The following INPP5F variants were observed in gnomAD, a reference collection of about 807,000 sequenced individuals.
The protein encoded by INPP5F is phosphatidylinositide 4-phosphatase SAC2.
A neutral mutation model predicts 137.2 loss-of-function variants in INPP5F; 97 were observed. The ratio of observed to expected loss-of-function variants is 0.71; its 90% CI spans 0.60 to 0.84. INPP5F has a LOEUF of 0.84. Among genes scored for constraint, INPP5F ranks in the 40% least tolerant of loss-of-function variants. The pLI is 0.00. For synonymous variants in INPP5F, 504 were observed against 476.9 expected (o/e 1.06, Z -0.74); for missense variants, 1,271 against 1,371.9 (o/e 0.93, Z 1.16).
chr10:119,827,818 A>G lies in INPP5F; in HGVS notation c.*38A>G, dbSNP rs1181864959. 2.8e-6 allele frequency: 4 copies of G among 1,413,154 alleles called. No individual in the cohort carries two copies. Among genetic ancestry groups the G allele is most frequent in the African/African-American group, 1.4e-5 (1 of 69,800 alleles). The allele number at this position is 1,413,154 out of a possible 1,614,324, so 87.5% of individuals were successfully genotyped here. On this transcript the variant is annotated 3_prime_UTR_variant, in exon 20 of 20. Transcript: ENST00000650623. ...AGAATCCTTCCATGGCTTTTATTTA[A>G]AAATATGAAATTTTCACCTCTTGGG...
At position 119,772,990 on chromosome 10, in the gene INPP5F, C is replaced by T. The variant is rs184787248; in HGVS notation, c.179-8645C>T. Among the ~76,000 whole-genome samples the T allele has an allele frequency of 1.6e-3, 248 of 151,980 alleles. 2 individuals are homozygous for T. The highest frequency in any genetic ancestry group is 2.9e-3 in the Admixed American group (45 of 15,270). On this transcript the variant is annotated intron_variant, in intron 2 of 19. Coordinates refer to ENST00000650623, the MANE Select transcript of INPP5F (RefSeq NM_014937.4). ...GTCTTGAATTCATGACCTCGTGATC[C>T]GCTTGCCTTGGCCTCCCAAAGTGCT...
rs34906556 is a variant in INPP5F, at chr10:119,765,741, CTGTGTGTGTGTGTG to C, written c.178+14615_178+14628del. On this transcript the variant is annotated intron_variant, in intron 2 of 19. Transcript: ENST00000650623. ...AACTCCTGCATTGTTCAAGGGTAAA[CTGTGTGTGTGTGTG>C]TGTGTGTGTGTGTGTGTGTGTGTGT... 1.2e-3 allele frequency among the ~76,000 whole-genome samples: 157 copies of C among 127,696 alleles called. 2 individuals carry two copies. The South Asian group carries it at 0.012, about 10-fold the overall frequency. The allele number at this position is 127,696 out of a possible 152,430, so 83.8% of individuals were successfully genotyped here.
intron 15 of INPP5F, chr10:119,815,941 A>G (rs992148749): frequency 1.3e-5 from 2 of 152,610 alleles, no homozygotes; most frequent in African/African-American, 4.8e-5. Flanking sequence ...CCCCGTGGTT[A>G]ACGTTTTGCT....
intron 1 of INPP5F, among the ~76,000 whole-genome samples, chr10:119,738,870 T>C (rs538215908): frequency 5.3e-5 from 8 of 152,178 alleles, no homozygotes; most frequent in African/African-American, 1.9e-4. Context: ...CAAGATAATA[T>C]AAAAATTTCA....
At chr10:119,804,646 G>T (rs1016915332) in intron 10 of INPP5F, among the ~76,000 whole-genome samples, 2 of 151,620 alleles carry the variant, frequency 1.3e-5, no homozygotes, top group Non-Finnish European at 2.9e-5. Flanking sequence ...GTATCTTGCT[G>T]GCTCCTCTTC....
At chr10:119,760,989 A>G (rs12761408) in intron 2 of INPP5F, among the ~76,000 whole-genome samples, 6,345 of 152,310 alleles carry the variant, frequency 0.042, 237 homozygotes, top group South Asian at 0.22. Flanking sequence ...ACATTTTTAT[A>G]TAGAAAATCA....
chr10:119,732,675 A>G (rs1007289936), intron 1 of INPP5F, among the ~76,000 whole-genome samples: 4 of 150,688 alleles, frequency 2.7e-5, no homozygotes, highest in Admixed American at 6.6e-5. Flanking sequence ...TAATTTTTCT[A>G]TTTTTAGTAG....
chr10:119,726,441 G>T (rs1847892107), intron 1 of INPP5F, 82 bp downstream of exon 1: 1 of 774,350 alleles, frequency 1.3e-6, no homozygotes, highest in Non-Finnish European at 1.7e-6. Flanking sequence ...TCAGCCGGGC[G>T]GGAGGAGCCG....
intron 9 of INPP5F, among the ~76,000 whole-genome samples, chr10:119,803,564 C>G (rs529525481): frequency 1.3e-5 from 2 of 152,308 alleles, no homozygotes; most frequent in South Asian, 4.1e-4. Flanking sequence ...TCCAATGGGA[C>G]AAGTCCCTTT....
intron 2 of INPP5F, among the ~76,000 whole-genome samples, chr10:119,752,533 C>T (rs940559713): frequency 1.4e-5 from 2 of 148,098 alleles, no homozygotes; most frequent in South Asian, 2.1e-4. Context: ...TGCAGTGAGC[C>T]GAGATTGCGC....
chr10:119,750,746 A>ACCACACGCAGCTCCT (rs1276077374), intron 1 of INPP5F, among the ~76,000 whole-genome samples: 1 of 152,114 alleles, frequency 6.6e-6, no homozygotes, highest in Non-Finnish European at 1.5e-5. Flanking sequence ...GTGCTGTAGG[A>ACCACACGCAGCTCCT]CCACACGCAG....
intron 2 of INPP5F, among the ~76,000 whole-genome samples, chr10:119,759,228 T>C (rs1416865021): frequency 6.6e-6 from 1 of 152,146 alleles, no homozygotes; most frequent in African/African-American, 2.4e-5. Context: ...GCCGTGTTGC[T>C]CAGGCTGGTC....
intron 1 of INPP5F, among the ~76,000 whole-genome samples, chr10:119,734,331 C>A (rs1465385969): frequency 6.6e-6 from 1 of 152,034 alleles, no homozygotes; most frequent in Non-Finnish European, 1.5e-5. Flanking sequence ...GGGGTATATC[C>A]CAACACATTG....
intron 6 of INPP5F, 36 bp downstream of exon 6, chr10:119,792,249 G>T: frequency 6.9e-7 from 1 of 1,455,580 alleles, no homozygotes; most frequent in South Asian, 1.2e-5. Flanking sequence ...TAACCGTAAT[G>T]AAATTGGTCT....
At chr10:119,729,555 C>G (rs1373555653) in intron 1 of INPP5F, among the ~76,000 whole-genome samples, 1 of 150,104 alleles carries the variant, frequency 6.7e-6, no homozygotes, top group Non-Finnish European at 1.5e-5. Flanking sequence ...ATATTTCTAT[C>G]TGATGTAGCA....
At chr10:119,791,439 A>C in intron 3 of INPP5F, 78 bp from the exon 4 acceptor site, 1 of 1,083,274 alleles carries the variant, frequency 9.2e-7, no homozygotes, top group Non-Finnish European at 1.4e-6. Context: ...ATGCCTGAGC[A>C]GTAGCATTCA....
At chr10:119,763,342 C>G (rs948691152) in intron 2 of INPP5F, among the ~76,000 whole-genome samples, 4 of 152,218 alleles carry the variant, frequency 2.6e-5, no homozygotes, top group Non-Finnish European at 5.9e-5. Context: ...TTCCTATCCT[C>G]ACGGCATCTG....
intron 3 of INPP5F, among the ~76,000 whole-genome samples, chr10:119,783,661 G>A (rs1379955142): frequency 6.6e-6 from 1 of 152,210 alleles, no homozygotes; most frequent in Non-Finnish European, 1.5e-5. Context: ...AAGGGCAAAA[G>A]TGTGAATATT....
intron 13 of INPP5F, among the ~76,000 whole-genome samples, chr10:119,809,741 G>A (rs552882804): frequency 1.3e-5 from 2 of 152,180 alleles, no homozygotes; most frequent in East Asian, 1.9e-4. Flanking sequence ...CAGAAACATC[G>A]GTTTTTGAAT....
Sources: allele counts gnomAD v4.1 joint callset (sites outside exome capture counted in the v4.1 genomes callset), GRCh38; gene constraint gnomAD v4.1.1; transcripts MANE v1.5; gene names NCBI Gene and HGNC (gene_info 2026-07-23, HGNC 2026-07-21).